The following SHLD1 variants were observed in gnomAD, a reference collection of about 807,000 sequenced individuals.
SHLD1 encodes the protein shieldin complex subunit 1, also known as RINN1-REV7-interacting novel NHEJ regulator 3.
SHLD1 carries 3 observed loss-of-function variants against 5.5 expected under a neutral mutation model. The observed-to-expected ratio is 0.54, with a 90% CI of 0.25 to 1.40. The LOEUF is 1.40. SHLD1 is among the 40% of genes most tolerant of loss of function. The pLI, the probability that SHLD1 is intolerant of heterozygous loss-of-function variation, is 0.15. For synonymous variants in SHLD1, 92 were observed against 94.3 expected, an observed-to-expected ratio of 0.98 and a Z score of 0.14; for missense variants, 210 against 244.4, an observed-to-expected ratio of 0.86 and a Z score of 0.94.
At position 5,773,044 on chromosome 20, in the gene SHLD1, G is replaced by T; in HGVS notation, c.178+1G>T. The T allele has an allele frequency of 6.2e-7, 1 of 1,614,182 alleles. No homozygotes were observed. The highest frequency in any genetic ancestry group is 8.5e-7 in the Non-Finnish European group (1 of 1,180,004). On this transcript the variant is annotated splice_donor_variant, in intron 2 of 2. Transcript: ENST00000303142. LOFTEE classifies it high-confidence loss of function. ...CCTTATTCTTCTGATGTGGATCCAG[G>T]TAATAAGCAGAGTTTAAAACAAACT...
At chr20:5,846,558 G>T (rs2087935011) in intron 2 of SHLD1, among the ~76,000 whole-genome samples, 1 of 152,184 alleles carries the variant, frequency 6.6e-6, no homozygotes, top group African/African-American at 2.4e-5. Context: ...GAAACCTCGT[G>T]TGTGAAATGA....
chr20:5,805,974 A>G (rs1246740677), intron 2 of SHLD1, among the ~76,000 whole-genome samples: 2 of 152,168 alleles, frequency 1.3e-5, no homozygotes, highest in South Asian at 4.1e-4. Context: ...ATGGGGAGAA[A>G]GCACAGCCTT....
intron 2 of SHLD1, among the ~76,000 whole-genome samples, chr20:5,856,596 T>C (rs986485862): frequency 6.6e-6 from 1 of 152,220 alleles, no homozygotes; most frequent in African/African-American, 2.4e-5. Context: ...AGGCACCTTA[T>C]CCAGGGCATG....
chr20:5,751,337 C>T (rs1983737676), intron 1 of SHLD1, among the ~76,000 whole-genome samples: 1 of 152,144 alleles, frequency 6.6e-6, no homozygotes. Context: ...TCATGACTCT[C>T]ACTCTGTAGC....
intron 2 of SHLD1, among the ~76,000 whole-genome samples, chr20:5,858,864 CTCTTT>C (rs1315833258): frequency 1.3e-5 from 2 of 152,172 alleles, no homozygotes; most frequent in Admixed American, 1.3e-4. Flanking sequence ...TATATGTTAT[CTCTTT>C]TCTTGTTGGC....
At chr20:5,810,375 G>A (rs1244513470) in intron 2 of SHLD1, among the ~76,000 whole-genome samples, 1 of 152,080 alleles carries the variant, frequency 6.6e-6, no homozygotes, top group Non-Finnish European at 1.5e-5. Flanking sequence ...TTAGGAGATA[G>A]GTGTTCTAAT....
At chr20:5,771,036 A>G (rs1185414202) in intron 1 of SHLD1, among the ~76,000 whole-genome samples, 1 of 152,218 alleles carries the variant, frequency 6.6e-6, no homozygotes, top group Non-Finnish European at 1.5e-5. Flanking sequence ...TTCTGATTAT[A>G]TGGCTAGAAC....
intron 2 of SHLD1, among the ~76,000 whole-genome samples, chr20:5,799,366 T>C (rs1466416543): frequency 2.0e-5 from 3 of 151,636 alleles, no homozygotes; most frequent in Non-Finnish European, 4.4e-5. Context: ...ATTGGCACCA[T>C]CTTGGCTCAC....
intron 2 of SHLD1, among the ~76,000 whole-genome samples, chr20:5,812,134 A>C (rs1177870168): frequency 6.7e-6 from 1 of 150,374 alleles, no homozygotes; most frequent in Non-Finnish European, 1.5e-5. Flanking sequence ...CCAAGCAAAA[A>C]TCTTAAAAAC....
At chr20:5,844,790 TA>T (rs1290713262) in intron 2 of SHLD1, among the ~76,000 whole-genome samples, 2,752 of 107,642 alleles carry the variant, frequency 0.026, 133 homozygotes, top group African/African-American at 0.12. Flanking sequence ...TATATATATA[TA>T]TATATATATT....
intron 2 of SHLD1, among the ~76,000 whole-genome samples, chr20:5,836,051 T>C (rs965309852): frequency 6.6e-6 from 1 of 152,094 alleles, no homozygotes; most frequent in African/African-American, 2.4e-5. Flanking sequence ...AGATAGAAAC[T>C]ATTTTCTGTC....
intron 2 of SHLD1, among the ~76,000 whole-genome samples, chr20:5,791,784 T>C (rs898523724): frequency 5.3e-5 from 8 of 152,010 alleles, no homozygotes. Context: ...CTCTCAAAAC[T>C]CGACTCTCAA....
At chr20:5,852,191 G>A (rs1266224384) in intron 2 of SHLD1, among the ~76,000 whole-genome samples, 1 of 152,044 alleles carries the variant, frequency 6.6e-6, no homozygotes, top group Non-Finnish European at 1.5e-5. Flanking sequence ...CTCAATCTCA[G>A]GTATTTATTT....
intron 2 of SHLD1, among the ~76,000 whole-genome samples, chr20:5,830,157 A>G (rs1451560346): frequency 6.6e-6 from 1 of 152,222 alleles, no homozygotes; most frequent in Non-Finnish European, 1.5e-5. Flanking sequence ...CCGTATGTTC[A>G]TGGAGAGACA....
intron 1 of SHLD1, among the ~76,000 whole-genome samples, chr20:5,764,209 TTG>T (rs57518537): frequency 0.45 from 36,489 of 80,236 alleles, 6,525 homozygotes; most frequent in East Asian, 0.67. Flanking sequence ...ATATATATAT[TTG>T]TGTGTGTGTA....
At chr20:5,823,471 G>A (rs2087631566) in intron 2 of SHLD1, among the ~76,000 whole-genome samples, 1 of 149,850 alleles carries the variant, frequency 6.7e-6, no homozygotes, top group Admixed American at 6.6e-5. Context: ...TTTTTGAGAT[G>A]GAGTTTTGCT....
Position 5,850,112 on chromosome 20 carries a change from C to CAATAATAATAATAAT in SHLD1, c.179-12887_179-12873dup, listed in dbSNP as rs113975793. On this transcript the variant is annotated intron_variant, in intron 2 of 2. Transcript: ENST00000303142. ...TGGGCAACACAGCAAGACCCCGTCTCAATAATAATAATAATAATAATAATA... is the reference window on the plus strand; with the variant it reads ...TGGGCAACACAGCAAGACCCCGTCTCAATAATAATAATAATAATAATAATAATAATAATAATAATA... Among the ~76,000 whole-genome samples, 188 of 130,244 alleles carry CAATAATAATAATAAT rather than the reference C, an allele frequency of 1.4e-3. 1 individual carries two copies. The highest frequency in any genetic ancestry group is 3.7e-3 in the Middle Eastern group (1 of 268). The allele number at this position is 130,244 out of a possible 152,430, so 85.4% of individuals were successfully genotyped here. A position where few individuals can be genotyped will look rare whatever the true frequency, so the allele number is the denominator to read the frequency against.
At chr20:5,803,644 G>A (rs541088352) in intron 2 of SHLD1, among the ~76,000 whole-genome samples, 2 of 152,162 alleles carry the variant, frequency 1.3e-5, no homozygotes, top group South Asian at 2.1e-4. Flanking sequence ...GCCGAAGCAG[G>A]CAGATCACAA....
In SHLD1 at chr20:5,854,567, C is replaced by G. The variant is rs75954179; in HGVS notation, c.179-8457C>G. On this transcript the variant is annotated intron_variant, in intron 2 of 2. Transcript: ENST00000303142. ...AAAGGCAATCAAGCTATGAGTGGGA[C>G]TTTAGATATTAGCTTTGTAAGAAAC... Among the ~76,000 whole-genome samples, 405 of 152,206 alleles carry G rather than the reference C, an allele frequency of 2.7e-3. 2 individuals are homozygous for G. The highest frequency in any genetic ancestry group is 9.4e-3 in the African/African-American group (389 of 41,538).
Sources: allele counts gnomAD v4.1 joint callset (sites outside exome capture counted in the v4.1 genomes callset), GRCh38; gene constraint gnomAD v4.1.1; transcripts MANE v1.5; gene names NCBI Gene and HGNC (gene_info 2026-07-23, HGNC 2026-07-21).